AFF2: variants seen among roughly 807,000 people sequenced by gnomAD.
AFF2 encodes ALF transcription elongation factor 2.
A neutral mutation model predicts 76.9 loss-of-function variants in AFF2; 14 were observed. The ratio of observed to expected loss-of-function variants is 0.18; its 90% CI spans 0.12 to 0.28. The LOEUF is 0.28. AFF2 is among the 10% of genes least tolerant of loss of function. The pLI is 1.00. For missense variants in AFF2, 868 were observed against 1,001.1 expected (o/e 0.87, Z 1.79); for synonymous variants, 398 against 366.7 (o/e 1.09, Z -0.98).
At chrX:148,592,248 G>A (rs1190594306) in intron 1 of AFF2, among the ~76,000 whole-genome samples, 1 of 111,679 alleles carries the variant, frequency 9.0e-6, no homozygotes, top group Non-Finnish European at 1.9e-5. Flanking sequence ...TTTTGTCCCA[G>A]GATTAGCAGG....
chrX:148,673,810 C>A (rs1487557125), intron 3 of AFF2, among the ~76,000 whole-genome samples: 1 of 111,802 alleles, frequency 8.9e-6, no homozygotes, highest in African/African-American at 3.3e-5. Context: ...TGCTTCTGAG[C>A]CAAATCTTTA....
chrX:148,553,034 G>A (rs1557239169), intron 1 of AFF2, among the ~76,000 whole-genome samples: 1 of 111,833 alleles, frequency 8.9e-6, no homozygotes, highest in Non-Finnish European at 1.9e-5. Context: ...GACAAATGGT[G>A]GGGATTTAAA....
Position 148,895,570 on chromosome X carries a change from AGTGTGTGTGT to A in AFF2, c.1360-8632_1360-8623del, listed in dbSNP as rs60601698. 2.0e-4 allele frequency among the ~76,000 whole-genome samples: 19 copies of A among 95,313 alleles called. 3 individuals carry two copies. The highest frequency in any genetic ancestry group is 9.3e-4 in the Admixed American group (8 of 8,642). 82.8% of individuals were successfully genotyped at this position (95,313 alleles called of 115,157 possible). A position where few individuals can be genotyped will look rare whatever the true frequency, so the allele number is the denominator to read the frequency against. On this transcript the variant is annotated intron_variant, in intron 8 of 20. Coordinates refer to ENST00000370460, the MANE Select transcript of AFF2 (RefSeq NM_002025.4). Reference sequence around the variant, plus strand: ...GAACAGTGTACTCTGTGAGTGAGTGAGTGTGTGTGTGTGTGTGTGTGTGTGTGTAAGAGAG... The same window carrying A: ...GAACAGTGTACTCTGTGAGTGAGTGAGTGTGTGTGTGTGTGTGTAAGAGAG...
chrX:148,662,209 G>A lies in AFF2; in HGVS notation c.482G>A (p.Arg161His), dbSNP rs782014822. 17 of 1,211,131 alleles carry A rather than the reference G, an allele frequency of 1.4e-5. No individual in the cohort carries two copies. The highest frequency in any genetic ancestry group is 1.7e-5 in the African/African-American group (1 of 57,698). ...SNRKSKPEWS[R>H]DSHNPSTVLA... ...AGAAAATCAAAACCTGAGTGGTCAC[G>A]TGATAGTCATAACCCTAGCACTGTA... Residue 161 changes from arginine (R) to histidine (H), a missense_variant, in exon 3 of 21, where the codon CGT becomes CAT. Arg to His is a conservative substitution (Grantham distance 29). This residue lies in a region of AFF2 where 196 missense variants were observed against 194.8 expected (regional missense o/e 1.01). Transcript: ENST00000370460.
At chrX:148,893,178 C>T (rs1378236792) in intron 8 of AFF2, among the ~76,000 whole-genome samples, 1 of 111,994 alleles carries the variant, frequency 8.9e-6, no homozygotes, top group African/African-American at 3.2e-5. Context: ...TCATTAAAGA[C>T]AGGAGAGTAA....
chrX:148,574,965 TGTGTGTGTGTGTGTGTGTGTGA>T (rs2053270200), intron 1 of AFF2, among the ~76,000 whole-genome samples: 1 of 107,854 alleles, frequency 9.3e-6, no homozygotes, highest in African/African-American at 3.4e-5. Flanking sequence ...TGTGTGTGTG[TGTGTGTGTGTGTGTGTGTGTGA>T]GAGAGAGACT....
At chrX:148,725,824 T>C (rs1395380007) in intron 3 of AFF2, among the ~76,000 whole-genome samples, 1 of 112,481 alleles carries the variant, frequency 8.9e-6, no homozygotes, top group African/African-American at 3.2e-5. Context: ...CTTGGCCACT[T>C]TAGTTTGCAG....
intron 3 of AFF2, among the ~76,000 whole-genome samples, chrX:148,715,494 T>C (rs782729711): frequency 1.8e-5 from 2 of 111,085 alleles, no homozygotes; most frequent in South Asian, 7.9e-4. Flanking sequence ...CATAGCTCTC[T>C]CCTGTTGCTG....
intron 9 of AFF2, among the ~76,000 whole-genome samples, chrX:148,916,461 C>T (rs988414692): frequency 1.6e-4 from 18 of 109,648 alleles, no homozygotes; most frequent in Non-Finnish European, 3.0e-4. Context: ...CTTCCCGCCT[C>T]GGCCTCCCAA....
At chrX:148,797,796 T>C (rs143453300) in intron 3 of AFF2, among the ~76,000 whole-genome samples, 2,918 of 112,293 alleles carry the variant, frequency 0.026, 44 homozygotes, top group Admixed American at 0.054. Flanking sequence ...ATTCCCATAT[T>C]TGGCCATGTA....
At chrX:148,843,492 C>T in intron 7 of AFF2, 59 bp downstream of exon 7, 1 of 953,940 alleles carries the variant, frequency 1.0e-6, no homozygotes, top group Admixed American at 2.2e-5. Flanking sequence ...GGAAACAGTG[C>T]CTCAATGCTG....
Position 148,994,175 on chromosome X carries a change from T to C in AFF2, c.*2843T>C, listed in dbSNP as rs2072566582. ...CCATCTGAGCAAGTACACCAAATGATCTCAGCCCTGCAACTTGACCCAGGT... is the reference window on the plus strand; with the variant it reads ...CCATCTGAGCAAGTACACCAAATGACCTCAGCCCTGCAACTTGACCCAGGT... On this transcript the variant is annotated 3_prime_UTR_variant, in exon 21 of 21. Transcript: ENST00000370460. The C allele has an allele frequency of 8.9e-6, 1 of 111,856 alleles. No individual in the cohort carries two copies. Among genetic ancestry groups the C allele is most frequent in the Non-Finnish European group, 1.9e-5 (1 of 53,130 alleles). 9.2% of individuals were successfully genotyped at this position (111,856 alleles called of 1,213,427 possible).
chrX:148,505,725 G>A (rs1557232403), intron 1 of AFF2, among the ~76,000 whole-genome samples: 1 of 111,777 alleles, frequency 8.9e-6, no homozygotes, highest in African/African-American at 3.3e-5. Context: ...TGTAACTGTA[G>A]GTCATACCTC....
chrX:148,601,201 A>G (rs1255207235), intron 1 of AFF2, among the ~76,000 whole-genome samples: 2 of 112,611 alleles, frequency 1.8e-5, no homozygotes, highest in Non-Finnish European at 3.8e-5. Flanking sequence ...TCATATTCTC[A>G]GAATTGTGAA....
chrX:148,638,055 A>G (rs1437989237), intron 1 of AFF2, among the ~76,000 whole-genome samples: 2 of 110,956 alleles, frequency 1.8e-5, no homozygotes, highest in Admixed American at 9.6e-5. Flanking sequence ...CTAAAAGTCC[A>G]TTCTTTGTAT....
chrX:148,630,396 T>G (rs1293924040), intron 1 of AFF2, among the ~76,000 whole-genome samples: 1 of 111,957 alleles, frequency 8.9e-6, no homozygotes, highest in Non-Finnish European at 1.9e-5. Flanking sequence ...GCCTTTGTAG[T>G]GTAATTATTG....
At chrX:148,598,360 A>G (rs1364459290) in intron 1 of AFF2, among the ~76,000 whole-genome samples, 1 of 111,596 alleles carries the variant, frequency 9.0e-6, no homozygotes, top group Non-Finnish European at 1.9e-5. Context: ...GCTCTGAGAC[A>G]TGGTTCGTCC....
chrX:148,893,111 A>G (rs2071243049), intron 8 of AFF2, among the ~76,000 whole-genome samples: 1 of 112,402 alleles, frequency 8.9e-6, no homozygotes, highest in Admixed American at 9.4e-5. Context: ...TAAAACCCAT[A>G]CATTGTCATG....
At chrX:148,830,362 T>C (rs2070438596) in intron 4 of AFF2, among the ~76,000 whole-genome samples, 1 of 112,410 alleles carries the variant, frequency 8.9e-6, no homozygotes, top group South Asian at 3.7e-4. Context: ...AGCAGCAGCC[T>C]GTGCAGATCA....
Sources: gnomAD v4.1 joint callset for allele counts (sites outside exome capture counted in the v4.1 genomes callset) on GRCh38, gnomAD v4.1.1 for gene constraint, gnomAD v4.1.1 regional missense constraint, MANE v1.5 for transcripts, NCBI Gene and HGNC (gene_info 2026-07-23, HGNC 2026-07-21) for gene names.